The following CMAS variants were observed in gnomAD, a reference collection of about 807,000 sequenced individuals.
CMAS encodes the protein cytidine monophosphate N-acetylneuraminic acid synthetase.
A neutral mutation model predicts 53.4 loss-of-function variants in CMAS; 21 were observed. That is an observed-to-expected ratio of 0.39 (90% CI 0.28 to 0.57). The LOEUF is 0.57. Among genes scored for constraint, CMAS ranks in the 20% least tolerant of loss-of-function variants. The probability of loss-of-function intolerance (pLI) is 0.56; values close to 1 mark genes in which losing one functional copy is unlikely to be tolerated. For missense variants in CMAS, 384 were observed against 534.9 expected, an observed-to-expected ratio of 0.72 and a Z score of 2.78; for synonymous variants, 189 against 195.2, an observed-to-expected ratio of 0.97 and a Z score of 0.27.
At chr12:22,048,203 T>C (rs560760533) in intron 1 of CMAS, among the ~76,000 whole-genome samples, 5 of 152,216 alleles carry the variant, frequency 3.3e-5, no homozygotes, top group Non-Finnish European at 5.9e-5. Flanking sequence ...GCTTACGTTA[T>C]AATAAGGAAA....
At chr12:22,046,595 T>G in intron 1 of CMAS, 32 bp downstream of exon 1, 1 of 1,467,792 alleles carries the variant, frequency 6.8e-7, no homozygotes, top group Non-Finnish European at 9.0e-7. Flanking sequence ...CGGCGCGGCC[T>G]GGGCGGGGGT....
At chr12:22,061,874 C>A (rs1950310175) in intron 6 of CMAS, among the ~76,000 whole-genome samples, 1 of 152,042 alleles carries the variant, frequency 6.6e-6, no homozygotes, top group South Asian at 2.1e-4. Flanking sequence ...TGAAAGCTAG[C>A]TAAGATAATT....
rs992857813 is a variant in CMAS, at chr12:22,050,994, T to C, written c.261-4155T>C. Among the ~76,000 whole-genome samples the C allele has an allele frequency of 2.6e-4, 40 of 152,148 alleles. 1 individual carries two copies. The highest frequency in any genetic ancestry group is 5.6e-4 in the Non-Finnish European group (38 of 68,030). ...CCCTCTCTTTTGTTTCTTCAAAAAA[T>C]GTTTACCTTAGGAGAGAGCTGAAGA... is the stretch of plus-strand genomic sequence containing the variant. On this transcript the variant is annotated intron_variant, in intron 1 of 7. Transcript: ENST00000229329.
At chr12:22,060,440 AG>A (rs1188033510) in intron 4 of CMAS, among the ~76,000 whole-genome samples, 1 of 149,172 alleles carries the variant, frequency 6.7e-6, no homozygotes, top group African/African-American at 2.5e-5. Flanking sequence ...GCTTGAGGCC[AG>A]GTTTCCAAGA....
intron 3 of CMAS, among the ~76,000 whole-genome samples, chr12:22,056,391 A>C (rs1453915855): frequency 3.3e-5 from 5 of 152,182 alleles, no homozygotes; most frequent in African/African-American, 7.2e-5. Context: ...ACTTGAGTAC[A>C]TATTTTCCTC....
chr12:22,056,026 A>G lies in CMAS; in HGVS notation c.559+416A>G, dbSNP rs895119663. ...AGTTCTTCCCCAAATTCCTAACTCC[A>G]TATATAAGAAGGGTTCCCTAGGGTT... is the stretch of plus-strand genomic sequence containing the variant. On this transcript the variant is annotated intron_variant, in intron 3 of 7. Coordinates refer to ENST00000229329, the MANE Select transcript of CMAS (RefSeq NM_018686.6). Among the ~76,000 whole-genome samples the G allele has an allele frequency of 4.6e-5, 7 of 152,286 alleles. No individual in the cohort carries two copies. In the South Asian group the frequency reaches 1.2e-3, roughly 27 times the overall value.
intron 7 of CMAS, chr12:22,063,742 C>G (rs1211399879): frequency 1.3e-5 from 2 of 151,320 alleles, no homozygotes; most frequent in African/African-American, 4.9e-5. Flanking sequence ...AAAACACACA[C>G]ACACACACTT....
chr12:22,062,946 G>A (rs1950318495), intron 7 of CMAS, among the ~76,000 whole-genome samples: 1 of 152,174 alleles, frequency 6.6e-6, no homozygotes, highest in Non-Finnish European at 1.5e-5. Flanking sequence ...AATGTCCTGT[G>A]AAAAATAGAA....
chr12:22,051,591 T>C (rs1295717220), intron 1 of CMAS, among the ~76,000 whole-genome samples: 1 of 152,204 alleles, frequency 6.6e-6, no homozygotes, highest in African/African-American at 2.4e-5. Context: ...ATTTTCTCTT[T>C]TGCATAGCCC....
intron 2 of CMAS, 62 bp from the exon 3 acceptor site, chr12:22,055,393 A>G: frequency 1.6e-5 from 24 of 1,498,720 alleles, no homozygotes; most frequent in Middle Eastern, 1.9e-4. Context: ...AAACCTTAAT[A>G]TTACTTGCTT....
chr12:22,052,901 A>T (rs1006564141), intron 1 of CMAS, among the ~76,000 whole-genome samples: 1 of 152,190 alleles, frequency 6.6e-6, no homozygotes, highest in Non-Finnish European at 1.5e-5. Context: ...TATAAATATT[A>T]AAGGGAATAA....
intron 1 of CMAS, among the ~76,000 whole-genome samples, chr12:22,046,947 G>A (rs1237191342): frequency 6.6e-6 from 1 of 152,168 alleles, no homozygotes; most frequent in African/African-American, 2.4e-5. Context: ...GGGGGCCATC[G>A]AAGCTCCCCT....
At chr12:22,053,155 A>G (rs1591792726) in intron 1 of CMAS, among the ~76,000 whole-genome samples, 1 of 151,896 alleles carries the variant, frequency 6.6e-6, no homozygotes, top group South Asian at 2.1e-4. Flanking sequence ...GCGTGGTGAC[A>G]CATGCCTGTA....
chr12:22,048,103 ATACT>A (rs1454913062), intron 1 of CMAS, among the ~76,000 whole-genome samples: 1 of 152,184 alleles, frequency 6.6e-6, no homozygotes, highest in African/African-American at 2.4e-5. Context: ...TTCATTCAGC[ATACT>A]TACTGCCTAC....
chr12:22,059,226 C>T (rs1199827662), intron 4 of CMAS, among the ~76,000 whole-genome samples: 1 of 149,118 alleles, frequency 6.7e-6, no homozygotes, highest in Non-Finnish European at 1.5e-5. Flanking sequence ...TTTATCTGTC[C>T]TGACTCTCAT....
At chr12:22,047,290 T>C (rs574342179) in intron 1 of CMAS, among the ~76,000 whole-genome samples, 161 of 152,290 alleles carry the variant, frequency 1.1e-3, no homozygotes, top group Non-Finnish European at 2.0e-3. Context: ...ATTGCCAAAT[T>C]GGTCAGGAGT....
chr12:22,054,917 C>T (rs1591793261), intron 1 of CMAS, among the ~76,000 whole-genome samples: 1 of 151,906 alleles, frequency 6.6e-6, no homozygotes, highest in Non-Finnish European at 1.5e-5. Flanking sequence ...TCTGTTGTTC[C>T]TTTCTTTATA....
intron 4 of CMAS, among the ~76,000 whole-genome samples, chr12:22,058,978 A>G (rs1015646142): frequency 2.6e-5 from 4 of 152,000 alleles, no homozygotes; most frequent in Non-Finnish European, 5.9e-5. Context: ...TGGTACTCAT[A>G]TTATTCCACT....
At chr12:22,055,733 A>G in intron 3 of CMAS, 123 bp downstream of exon 3, 3 of 758,490 alleles carry the variant, frequency 4.0e-6, no homozygotes, top group Non-Finnish European at 6.3e-6. Context: ...TTGACTCATT[A>G]CTTTAGTAGG....
Sources: gnomAD v4.1 joint callset for allele counts (sites outside exome capture counted in the v4.1 genomes callset) on GRCh38, gnomAD v4.1.1 for gene constraint, MANE v1.5 for transcripts, NCBI Gene and HGNC (gene_info 2026-07-23, HGNC 2026-07-21) for gene names.